Variants in LRRTM4 observed in about 807,000 individuals in gnomAD.
LRRTM4 encodes the protein leucine rich repeat transmembrane neuronal 4.
In LRRTM4, 25 loss-of-function variants were observed where a neutral mutation model predicts 47.6. That is an observed-to-expected ratio of 0.53 (90% CI 0.38 to 0.73). The LOEUF (loss-of-function observed/expected upper bound fraction) is 0.73, where lower values mean the gene tolerates loss of function less well. Among genes scored for constraint, LRRTM4 ranks in the 30% least tolerant of loss-of-function variants. LRRTM4 has a pLI of 0.00. For synonymous variants in LRRTM4, 311 were observed against 269.5 expected, an observed-to-expected ratio of 1.15 and a Z score of -1.51; for missense variants, 638 against 713.4, an observed-to-expected ratio of 0.89 and a Z score of 1.20.
At chr2:77,039,453 C>G (rs1678952487) in intron 3 of LRRTM4, among the ~76,000 whole-genome samples, 1 of 150,802 alleles carries the variant, frequency 6.6e-6, no homozygotes, top group African/African-American at 2.4e-5. Flanking sequence ...ACATAGATAT[C>G]TCTTACTAAT....
At chr2:76,874,843 T>C (rs138556252) in intron 3 of LRRTM4, among the ~76,000 whole-genome samples, 2 of 152,218 alleles carry the variant, frequency 1.3e-5, no homozygotes, top group African/African-American at 4.8e-5. Flanking sequence ...TTTCTTAAAC[T>C]TTGCTTATTT....
intron 3 of LRRTM4, among the ~76,000 whole-genome samples, chr2:76,984,159 G>A (rs1676711642): frequency 6.6e-6 from 1 of 151,578 alleles, no homozygotes; most frequent in South Asian, 2.1e-4. Flanking sequence ...CAAAACAGAA[G>A]AAAATCATCT....
chr2:77,344,016 C>G (rs1671469960), intron 3 of LRRTM4, among the ~76,000 whole-genome samples: 1 of 151,544 alleles, frequency 6.6e-6, no homozygotes, highest in Admixed American at 6.6e-5. Context: ...AATAAAAGAT[C>G]TGGAAAAAAA....
At chr2:77,072,814 A>AG (rs1558563370) in intron 3 of LRRTM4, among the ~76,000 whole-genome samples, 2 of 151,510 alleles carry the variant, frequency 1.3e-5, no homozygotes, top group African/African-American at 4.8e-5. Context: ...AAAAAAAAAA[A>AG]AAAAAAAAAC....
chr2:76,777,207 TG>T (rs2104138510), intron 3 of LRRTM4, among the ~76,000 whole-genome samples: 1 of 150,936 alleles, frequency 6.6e-6, no homozygotes, highest in African/African-American at 2.4e-5. Context: ...CATCCAGCTT[TG>T]TTCTTTTGGC....
chr2:76,972,397 T>C (rs1432391407), intron 3 of LRRTM4, among the ~76,000 whole-genome samples: 2 of 150,828 alleles, frequency 1.3e-5, no homozygotes, highest in African/African-American at 4.9e-5. Flanking sequence ...AGTCCATTCA[T>C]TTATTCATTG....
chr2:76,797,689 A>G (rs916702507), intron 3 of LRRTM4, among the ~76,000 whole-genome samples: 3 of 151,516 alleles, frequency 2.0e-5, no homozygotes, highest in African/African-American at 4.9e-5. Context: ...TAAAGAGTCA[A>G]GACCCATCAG....
chr2:77,184,598 C>T (rs1323619103), intron 3 of LRRTM4, among the ~76,000 whole-genome samples: 1 of 152,102 alleles, frequency 6.6e-6, no homozygotes, highest in Non-Finnish European at 1.5e-5. Context: ...TAAAGCCTTT[C>T]CCAAAGGAGT....
intron 3 of LRRTM4, among the ~76,000 whole-genome samples, chr2:76,862,752 T>G (rs886170720): frequency 1.3e-5 from 2 of 152,342 alleles, no homozygotes; most frequent in Middle Eastern, 6.8e-3. Context: ...GAATCACATT[T>G]GAACAATCTA....
intron 3 of LRRTM4, among the ~76,000 whole-genome samples, chr2:76,787,015 C>A (rs778779708): frequency 4.9e-4 from 75 of 151,724 alleles, no homozygotes; most frequent in Non-Finnish European, 9.7e-4. Context: ...ACTTGTGGAA[C>A]ATGAGGGATA....
At chr2:76,896,242 G>C (rs1382968591) in intron 3 of LRRTM4, among the ~76,000 whole-genome samples, 2 of 151,558 alleles carry the variant, frequency 1.3e-5, no homozygotes, top group East Asian at 3.9e-4. Flanking sequence ...ACACGATTTA[G>C]CCTCTTGGTT....
chr2:76,844,134 C>T (rs904345231), intron 3 of LRRTM4, among the ~76,000 whole-genome samples: 5 of 151,682 alleles, frequency 3.3e-5, no homozygotes, highest in African/African-American at 1.2e-4. Flanking sequence ...ATCTCCTGAC[C>T]TTGTGATCCA....
intron 3 of LRRTM4, among the ~76,000 whole-genome samples, chr2:76,824,490 A>G (rs1671138524): frequency 6.6e-6 from 1 of 151,574 alleles, no homozygotes; most frequent in South Asian, 2.1e-4. Context: ...AATTTATTAA[A>G]TGAGTCAGCA....
intron 3 of LRRTM4, among the ~76,000 whole-genome samples, chr2:76,896,325 T>A (rs1327604010): frequency 1.3e-5 from 2 of 151,920 alleles, no homozygotes; most frequent in Non-Finnish European, 2.9e-5. Flanking sequence ...AACTGTGCAA[T>A]CAGGGCCAAA....
intron 3 of LRRTM4, among the ~76,000 whole-genome samples, chr2:76,768,100 G>C (rs1344878071): frequency 6.6e-6 from 1 of 152,092 alleles, no homozygotes; most frequent in Non-Finnish European, 1.5e-5. Context: ...TAATTTATGT[G>C]CATATTATAT....
intron 3 of LRRTM4, among the ~76,000 whole-genome samples, chr2:77,019,253 C>CAAAAAAAAA (rs56028060): frequency 5.0e-5 from 4 of 80,526 alleles, no homozygotes; most frequent in African/African-American, 1.4e-4. Context: ...CACTGCTCTA[C>CAAAAAAAAA]AAAAAAAAAA....
At chr2:76,855,981 A>G (rs769303134) in intron 3 of LRRTM4, among the ~76,000 whole-genome samples, 7 of 152,222 alleles carry the variant, frequency 4.6e-5, no homozygotes, top group Non-Finnish European at 7.3e-5. Flanking sequence ...CTGGCATTCA[A>G]GGAAGTATAA....
intron 3 of LRRTM4, among the ~76,000 whole-genome samples, chr2:77,361,401 C>T (rs1023089424): frequency 1.3e-5 from 2 of 152,098 alleles, no homozygotes; most frequent in African/African-American, 4.8e-5. Context: ...CTTCCTGTTG[C>T]TTTCTAAGAC....
chr2:77,003,986 C>T (rs972353001), intron 3 of LRRTM4, among the ~76,000 whole-genome samples: 2 of 152,092 alleles, frequency 1.3e-5, no homozygotes, highest in East Asian at 1.9e-4. Flanking sequence ...AAACTGGTAG[C>T]GTTTTGCCAC....
Sources: gnomAD v4.1 joint callset for allele counts (sites outside exome capture counted in the v4.1 genomes callset) on GRCh38, gnomAD v4.1.1 for gene constraint, MANE v1.5 for transcripts, NCBI Gene and HGNC (gene_info 2026-07-23, HGNC 2026-07-21) for gene names.